Variants in COL20A1 observed in about 807,000 individuals in gnomAD.
The protein encoded by COL20A1 is collagen alpha-1(XX) chain.
In COL20A1, 164 loss-of-function variants were observed where a neutral mutation model predicts 152.9. The ratio of observed to expected loss-of-function variants is 1.07; its 90% CI spans 0.94 to 1.22. COL20A1 has a LOEUF of 1.22. COL20A1 is among the 50% of genes most tolerant of loss of function. The pLI is 0.00. For synonymous variants in COL20A1, 864 were observed against 756.0 expected (o/e 1.14, Z -2.34); for missense variants, 1,873 against 1,744.8 (o/e 1.07, Z -1.31).
chr20:63,295,693 G>T (rs1229098175), intron 2 of COL20A1, among the ~76,000 whole-genome samples: 1 of 152,234 alleles, frequency 6.6e-6, no homozygotes, highest in Non-Finnish European at 1.5e-5. Context: ...TGGGGCGTTT[G>T]GGTAACGTAG....
In COL20A1 at chr20:63,305,927, C is replaced by T; in HGVS notation, c.384C>T (p.Pro128=). ...SSSLDRSSQR[P]LGSGAPEPTP... ...CCCTGGACAGGAGCAGCCAGAGGCC[C>T]CTCGGCTCTGGAGCCCCGGAGCCCA... The change falls in exon 5 of 36, where the codon CCC becomes CCT. Residue 128 remains proline (P), a synonymous_variant. Transcript: ENST00000358894. This position sits in a 1 kb window ranked among gnomAD's most constrained non-coding sequence, Gnocchi z 4.9. 1.2e-6 allele frequency: 2 copies of T among 1,612,722 alleles called. No homozygotes were observed. Among genetic ancestry groups the T allele is most frequent in the Non-Finnish European group, 1.7e-6 (2 of 1,179,662 alleles).
At chr20:63,322,784 C>T (rs1013124891) in intron 27 of COL20A1, among the ~76,000 whole-genome samples, 2 of 152,266 alleles carry the variant, frequency 1.3e-5, no homozygotes, top group Middle Eastern at 3.2e-3. Flanking sequence ...CCTCCCGACC[C>T]CGACACCCAC....
intron 1 of COL20A1, 38 bp from the exon 2 acceptor site, chr20:63,295,060 G>C: frequency 7.4e-7 from 1 of 1,356,116 alleles, no homozygotes; most frequent in Non-Finnish European, 1.0e-6. Context: ...GGACAGACGG[G>C]GGGACGGCTG....
At chr20:63,322,821 T>A (rs1031660570) in intron 27 of COL20A1, among the ~76,000 whole-genome samples, 1 of 152,188 alleles carries the variant, frequency 6.6e-6, no homozygotes, top group African/African-American at 2.4e-5. Flanking sequence ...TTCCAGCGAG[T>A]TCCACATCCC....
At position 63,312,120 on chromosome 20, in the gene COL20A1, A is replaced by G. The variant is rs531640113; in HGVS notation, c.1803+65A>G. 6.3e-5 allele frequency: 93 copies of G among 1,474,820 alleles called. No homozygotes were observed. In the East Asian group the frequency reaches 1.7e-3, roughly 27 times the overall value. The allele number at this position is 1,474,820 out of a possible 1,614,324, so 91.4% of individuals were successfully genotyped here. On this transcript the variant is annotated intron_variant, in intron 14 of 35. Transcript: ENST00000358894. The stretch of plus-strand genomic sequence containing the variant: ...GACCACAGGGCCCTGTCTGGCAGGC[A>G]TGGGGTGGAGCCAACCATCAGATAA...
chr20:63,328,931 T>G (rs1355004342), intron 34 of COL20A1, among the ~76,000 whole-genome samples: 1 of 151,876 alleles, frequency 6.6e-6, no homozygotes, highest in South Asian at 2.1e-4. Context: ...CGTGACCTTG[T>G]TGGTGCTCCT....
Position 63,327,982 on chromosome 20 carries a change from G to A in COL20A1, c.3559G>A (p.Glu1187Lys). The change falls in exon 32 of 36, where the codon GAG (glutamate) becomes AAG (lysine). Residue 1187 changes from glutamate (E) to lysine (K), a missense_variant. Glu to Lys is a moderately conservative substitution (Grantham distance 56). Transcript: ENST00000358894. The stretch of plus-strand genomic sequence containing the variant: ...GCCAGGGCCCAAAGGGGAACGAGGA[G>A]AGAAGGTAAGTGAGGCTGAGATCTT... ...GLPGPKGERG[E>K]KGEPQSLATL... is the part of the protein sequence containing the mutation. The A allele has an allele frequency of 6.2e-7, 1 of 1,608,458 alleles. No individual in the cohort carries two copies. The highest frequency in any genetic ancestry group is 8.5e-7 in the Non-Finnish European group (1 of 1,177,466).
rs1231451001 is a variant in COL20A1, at chr20:63,331,972, A to AC, written c.*1256_*1257insC. The AC allele has an allele frequency of 4.6e-5, 7 of 152,254 alleles. No homozygotes were observed. Among genetic ancestry groups the AC allele is most frequent in the African/African-American group, 1.7e-4 (7 of 41,424 alleles). The allele number at this position is 152,254 out of a possible 1,614,324, so 9.4% of individuals were successfully genotyped here. ...CTGACCAGACCTGGAGACCAAATAGAGAGTCATAGGCAGGGTCAGCAGGAT... is the reference window on the plus strand; with the variant it reads ...CTGACCAGACCTGGAGACCAAATAGACGAGTCATAGGCAGGGTCAGCAGGAT... On this transcript the variant is annotated 3_prime_UTR_variant, in exon 36 of 36. Transcript: ENST00000358894.
chr20:63,329,731 C>T (rs2068307358), intron 35 of COL20A1, 70 bp downstream of exon 35: 1 of 1,131,128 alleles, frequency 8.8e-7, no homozygotes, highest in Non-Finnish European at 1.2e-6. Flanking sequence ...TCCTGAGGGG[C>T]CAACGGGTGG....
chr20:63,313,213 GC>G lies in COL20A1; in HGVS notation c.2176del (p.Arg726AlafsTer14), dbSNP rs2068038725. On this transcript the variant is annotated frameshift_variant, in exon 17 of 36. Coordinates refer to ENST00000358894, the MANE Select transcript of COL20A1 (RefSeq NM_020882.4). LOFTEE classifies it high-confidence loss of function. The surrounding 1 kb of genome is among the most constrained non-coding windows in gnomAD (Gnocchi z 5.9). ...CATCTTGGCCTACTACAGGGACGGG[GC>G]CCGCAGTGACCCTGTGTCCCTCCGC... ...VTILAYYRDG[A>X]RSDPVSLRYT... The G allele has an allele frequency of 6.2e-7, 1 of 1,612,328 alleles. No homozygotes were observed. Among genetic ancestry groups the G allele is most frequent in the Non-Finnish European group, 8.5e-7 (1 of 1,179,658 alleles).
intron 21 of COL20A1, among the ~76,000 whole-genome samples, 177 bp downstream of exon 21, chr20:63,316,868 A>G (rs1375579225): frequency 1.3e-5 from 2 of 152,188 alleles, no homozygotes; most frequent in African/African-American, 2.4e-5. Flanking sequence ...TCAGAAATTC[A>G]CATTTTACAA....
intron 7 of COL20A1, 139 bp from the exon 8 acceptor site, chr20:63,308,403 G>A: frequency 2.3e-6 from 2 of 876,682 alleles, no homozygotes; most frequent in Non-Finnish European, 1.7e-6. Context: ...GACCCTCCCT[G>A]CTCCCTTGGG....
intron 3 of COL20A1, among the ~76,000 whole-genome samples, chr20:63,299,768 A>C (rs2067842724): frequency 6.6e-6 from 1 of 151,938 alleles, no homozygotes; most frequent in African/African-American, 2.4e-5. Flanking sequence ...TATTTGATTA[A>C]TGTAGTAAAC....
chr20:63,294,195 C>CGGAGTG (rs2067756703), intron 1 of COL20A1, among the ~76,000 whole-genome samples: 2 of 8,436 alleles, frequency 2.4e-4, no homozygotes, highest in Admixed American at 1.4e-3. Flanking sequence ...GTGCAGGGGA[C>CGGAGTG]TGGGGGTGCA....
In COL20A1 at chr20:63,310,418, A is replaced by G. The variant is rs747744413; in HGVS notation, c.1301A>G (p.His434Arg). The change falls in exon 11 of 36, where the codon CAC becomes CGC. Residue 434 changes from histidine to arginine, a missense_variant. Transcript: ENST00000358894. ...VEGPAASTEL[H>R]NLASRTEYLV... ...GGACCCGCCGCCTCCACGGAGCTGC[A>G]CAACCTGGCCTCCCGCACAGAGTAC... 71 of 1,610,596 alleles carry G rather than the reference A, an allele frequency of 4.4e-5. 1 individual carries two copies. The highest frequency in any genetic ancestry group is 5.6e-5 in the Non-Finnish European group (66 of 1,179,146).
Position 63,314,087 on chromosome 20 carries a change from G to C in COL20A1, c.2374G>C (p.Ala792Pro), listed in dbSNP as rs147670144. 99,364 of 1,612,468 alleles carry C rather than the reference G, an allele frequency of 0.062. 3,504 individuals are homozygous for C. Among genetic ancestry groups the C allele is most frequent in the South Asian group, 0.1 (9,548 of 91,002 alleles). The change falls in exon 19 of 36, where the codon GCC (alanine) becomes CCC (proline). Residue 792 changes from alanine to proline, a missense_variant. Transcript: ENST00000358894. The stretch of plus-strand genomic sequence containing the variant: ...CTTCTCCTAGGTCTCTGTGCCAGGA[G>C]CCAGGAGCCACGTGACACTGCCCGA... ...GPEKSVSVPGARSHVTLPDLQ... is the reference protein window; with the variant it reads ...GPEKSVSVPGPRSHVTLPDLQ...
intron 34 of COL20A1, 191 bp from the exon 35 acceptor site, chr20:63,329,394 G>A: frequency 1.8e-6 from 1 of 567,562 alleles, no homozygotes; most frequent in South Asian, 2.0e-5. Context: ...GAACTGTCAT[G>A]GAGCCCAGGA....
chr20:63,302,582 A>G (rs2067874719), intron 3 of COL20A1, among the ~76,000 whole-genome samples: 1 of 152,138 alleles, frequency 6.6e-6, no homozygotes, highest in African/African-American at 2.4e-5. Flanking sequence ...CGGCCTCCCA[A>G]AGTGCTGGGA....
intron 3 of COL20A1, among the ~76,000 whole-genome samples, chr20:63,302,115 C>T (rs2067869540): frequency 6.6e-6 from 1 of 152,108 alleles, no homozygotes; most frequent in Admixed American, 6.5e-5. Context: ...TTTTATGTCC[C>T]TCTCCTCAAC....
Sources: gnomAD v4.1 joint callset for allele counts (sites outside exome capture counted in the v4.1 genomes callset) on GRCh38, gnomAD v4.1.1 for gene constraint, Gnocchi (gnomAD v3.1) non-coding constraint, MANE v1.5 for transcripts, NCBI Gene and HGNC (gene_info 2026-07-23, HGNC 2026-07-21) for gene names.